The following DPP6 variants were observed in gnomAD, a reference collection of about 807,000 sequenced individuals.
The protein encoded by DPP6 is A-type potassium channel modulatory protein DPP6.
A neutral mutation model predicts 122.6 loss-of-function variants in DPP6; 69 were observed. That is an observed-to-expected ratio of 0.56 (90% confidence interval 0.46 to 0.69). DPP6 has a LOEUF of 0.69. Ranked by LOEUF, DPP6 falls within the 30% of genes least tolerant of loss-of-function variation. The pLI is 0.00. For synonymous variants in DPP6, 418 were observed against 433.1 expected, an observed-to-expected ratio of 0.97 and a Z score of 0.43; for missense variants, 928 against 1,116.9, an observed-to-expected ratio of 0.83 and a Z score of 2.41.
At chr7:154,549,130 A>G (rs1035658677) in intron 4 of DPP6, among the ~76,000 whole-genome samples, 1 of 152,198 alleles carries the variant, frequency 6.6e-6, no homozygotes, top group African/African-American at 2.4e-5. Flanking sequence ...AACCAAAATT[A>G]AAGCTACTGA....
At chr7:154,129,786 G>T (rs1177659154) in intron 1 of DPP6, among the ~76,000 whole-genome samples, 1 of 152,068 alleles carries the variant, frequency 6.6e-6, no homozygotes, top group Non-Finnish European at 1.5e-5. Flanking sequence ...TGTAGTCCCA[G>T]CTACTAGGGA....
chr7:154,571,445 T>G (rs1831103765), intron 5 of DPP6, among the ~76,000 whole-genome samples: 1 of 152,198 alleles, frequency 6.6e-6, no homozygotes, highest in African/African-American at 2.4e-5. Flanking sequence ...ATGCCAACCC[T>G]ATGTATTATT....
chr7:154,707,769 G>A (rs1484638235), intron 7 of DPP6, among the ~76,000 whole-genome samples: 1 of 152,224 alleles, frequency 6.6e-6, no homozygotes, highest in Non-Finnish European at 1.5e-5. Flanking sequence ...CCTCGTGGCT[G>A]AGGAGACCTC....
chr7:154,725,461 C>T (rs1842020106), intron 7 of DPP6, among the ~76,000 whole-genome samples: 1 of 151,992 alleles, frequency 6.6e-6, no homozygotes, highest in Admixed American at 6.6e-5. Context: ...CATGGGGGAG[C>T]AAGAGAAAGA....
intron 1 of DPP6, among the ~76,000 whole-genome samples, chr7:154,297,357 A>G (rs1040967716): frequency 1.2e-4 from 19 of 152,204 alleles, no homozygotes; most frequent in African/African-American, 2.9e-4. Flanking sequence ...CTGCATTCCA[A>G]TAAAACTTTA....
At chr7:154,017,070 AAT>A (rs1422328772) in intron 1 of DPP6, among the ~76,000 whole-genome samples, 3 of 152,188 alleles carry the variant, frequency 2.0e-5, no homozygotes, top group South Asian at 4.1e-4. Context: ...TATAGTTAAC[AAT>A]ATATGTTTTT....
intron 1 of DPP6, among the ~76,000 whole-genome samples, chr7:154,028,890 T>A (rs1799081689): frequency 6.6e-6 from 1 of 152,018 alleles, no homozygotes; most frequent in African/African-American, 2.4e-5. Context: ...TTGGCAGACC[T>A]GAAATGCCCA....
chr7:153,770,301 G>C, the DPP6 span, among the ~76,000 whole-genome samples: 3 of 152,304 alleles, frequency 2.0e-5, no homozygotes, highest in East Asian at 5.8e-4. Context: ...AACCACAGCA[G>C]TCAGAGGAGA....
At chr7:154,273,084 A>AATTT (rs1435741566) in intron 1 of DPP6, among the ~76,000 whole-genome samples, 1 of 152,196 alleles carries the variant, frequency 6.6e-6, no homozygotes, top group Non-Finnish European at 1.5e-5. Context: ...AGTGTAGAAG[A>AATTT]ATTTAATGGA....
At chr7:154,313,715 A>ATATATATATATATATATATACG (rs1563460487) in intron 1 of DPP6, among the ~76,000 whole-genome samples, 1 of 35,814 alleles carries the variant, frequency 2.8e-5, no homozygotes. Flanking sequence ...ATATATATAT[A>ATATATATATATATATATATACG]CACACACACG....
At chr7:153,974,071 G>A (rs1244668906) in intron 1 of DPP6, among the ~76,000 whole-genome samples, 1 of 152,108 alleles carries the variant, frequency 6.6e-6, no homozygotes, top group South Asian at 2.1e-4. Context: ...GCAAAGGATC[G>A]GGCACATTGG....
At chr7:154,058,863 C>A (rs1160956454) in intron 1 of DPP6, 1 of 139,702 alleles carries the variant, frequency 7.2e-6, no homozygotes, top group African/African-American at 2.7e-5. Context: ...ACCCCCATCG[C>A]AGGTGGGGAG....
At chr7:154,542,745 T>C (rs1323708703) in intron 4 of DPP6, among the ~76,000 whole-genome samples, 1 of 152,202 alleles carries the variant, frequency 6.6e-6, no homozygotes, top group Non-Finnish European at 1.5e-5. Context: ...CATTATTCCT[T>C]TCTCAAAGCT....
At chr7:154,061,962 G>A (rs1802018579) in intron 1 of DPP6, among the ~76,000 whole-genome samples, 1 of 132,674 alleles carries the variant, frequency 7.5e-6, no homozygotes, top group African/African-American at 2.8e-5. Context: ...TGCGAGGGTG[G>A]GGACTGAGAG....
intron 8 of DPP6, among the ~76,000 whole-genome samples, chr7:154,749,030 G>A (rs1843180170): frequency 2.0e-5 from 3 of 151,544 alleles, no homozygotes; most frequent in Admixed American, 2.0e-4. Flanking sequence ...GAGAGAGAGG[G>A]ATGGAGGCTT....
chr7:154,736,033 G>A (rs138565068), intron 8 of DPP6, among the ~76,000 whole-genome samples: 9 of 152,324 alleles, frequency 5.9e-5, no homozygotes, highest in African/African-American at 2.2e-4. Flanking sequence ...ATCCAGGTAG[G>A]TCACCAGGAA....
chr7:153,787,582 T>C, the DPP6 span, among the ~76,000 whole-genome samples: 1 of 124,182 alleles, frequency 8.1e-6, no homozygotes, highest in Non-Finnish European at 1.8e-5. Flanking sequence ...CTGGGCAACA[T>C]AGCGAGATCC....
At chr7:153,967,706 AATTTGTCC>A (rs1289727084) in intron 1 of DPP6, among the ~76,000 whole-genome samples, 1 of 151,906 alleles carries the variant, frequency 6.6e-6, no homozygotes, top group Admixed American at 6.6e-5. Context: ...TGCTTCATGG[AATTTGTCC>A]TGTGTGCATG....
intron 1 of DPP6, among the ~76,000 whole-genome samples, chr7:154,061,047 G>C (rs1435783897): frequency 2.1e-5 from 3 of 141,212 alleles, no homozygotes; most frequent in African/African-American, 7.6e-5. Flanking sequence ...CCTTATGTGG[G>C]ATTTACGATC....
Sources: gnomAD v4.1 joint callset for allele counts (sites outside exome capture counted in the v4.1 genomes callset) on GRCh38, gnomAD v4.1.1 for gene constraint, MANE v1.5 for transcripts, NCBI Gene and HGNC (gene_info 2026-07-23, HGNC 2026-07-21) for gene names.